Variants in MAP3K5 observed in about 807,000 individuals in gnomAD.
The protein encoded by MAP3K5 is ASK-1.
A neutral mutation model predicts 158.7 loss-of-function variants in MAP3K5; 56 were observed. That is an observed-to-expected ratio of 0.35 (90% CI 0.28 to 0.44). MAP3K5 has a LOEUF of 0.44. Among genes scored for constraint, MAP3K5 ranks in the 20% least tolerant of loss-of-function variants. The pLI is 1.00. For synonymous variants in MAP3K5, 579 were observed against 601.7 expected, an observed-to-expected ratio of 0.96 and a Z score of 0.55; for missense variants, 1,294 against 1,674.8, an observed-to-expected ratio of 0.77 and a Z score of 3.97.
intron 11 of MAP3K5, among the ~76,000 whole-genome samples, chr6:136,649,879 T>C (rs1778441184): frequency 1.3e-5 from 2 of 152,212 alleles, no homozygotes; most frequent in African/African-American, 2.4e-5. Context: ...GAGGACACCA[T>C]AGCTTGGAGA....
At chr6:136,558,765 T>C (rs1830367081) in intron 29 of MAP3K5, 35 bp downstream of exon 29, 1 of 1,335,406 alleles carries the variant, frequency 7.5e-7, no homozygotes, top group Middle Eastern at 1.8e-4. Flanking sequence ...TGCCTGGTGC[T>C]CTTTCCATAG....
At chr6:136,630,544 T>C (rs1438054102) in intron 14 of MAP3K5, among the ~76,000 whole-genome samples, 1 of 152,232 alleles carries the variant, frequency 6.6e-6, no homozygotes, top group Non-Finnish European at 1.5e-5. Flanking sequence ...CTAAATTTCT[T>C]TTGCGGACAT....
Position 136,611,322 on chromosome 6 carries a change from C to T in MAP3K5, c.2481G>A (p.Lys827=), listed in dbSNP as rs1370652163. ...VLKISDFGTS[K]RLAGINPCTE... ...TACAGGGGTTTATGCCAGCAAGCCT[C>T]TTTGATGTTCCGAAGTCAGAGATCT... Residue 827 remains lysine (K), a synonymous_variant, in exon 18 of 30, where the codon AAG becomes AAA. Transcript: ENST00000359015. The T allele has an allele frequency of 1.2e-6, 2 of 1,613,404 alleles. No homozygotes were observed. The highest frequency in any genetic ancestry group is 2.7e-5 in the African/African-American group (2 of 74,860).
intron 2 of MAP3K5, among the ~76,000 whole-genome samples, chr6:136,706,174 G>A (rs1448724161): frequency 6.6e-6 from 1 of 152,076 alleles, no homozygotes; most frequent in Non-Finnish European, 1.5e-5. Flanking sequence ...GCTGAGGCAG[G>A]AGAATCACTT....
intron 12 of MAP3K5, among the ~76,000 whole-genome samples, chr6:136,641,920 G>A (rs56168641): frequency 0.018 from 2,741 of 150,916 alleles, 40 homozygotes; most frequent in Non-Finnish European, 0.027. Context: ...CCTGGGAGGC[G>A]GAGGTTGCAG....
chr6:136,791,058 G>A (rs752234815), intron 1 of MAP3K5, among the ~76,000 whole-genome samples: 3 of 152,116 alleles, frequency 2.0e-5, no homozygotes, highest in Non-Finnish European at 4.4e-5. Context: ...TAAAAAACAG[G>A]CCCTGGTTCT....
chr6:136,622,545 A>G (rs1776852844), intron 15 of MAP3K5, among the ~76,000 whole-genome samples: 1 of 152,166 alleles, frequency 6.6e-6, no homozygotes, highest in Non-Finnish European at 1.5e-5. Flanking sequence ...GTTCCAACCT[A>G]AACGATTTCT....
rs540355576 is a variant in MAP3K5, at chr6:136,617,856, C to G, written c.2151-3570G>C. On this transcript the variant is annotated intron_variant, in intron 15 of 29. Transcript: ENST00000359015. ...GCTGAGGCAGGAGAATCACTTGAAC[C>G]CAGGAGGCGGAGGTTGCAGTGAGCC... is the stretch of plus-strand genomic sequence containing the variant. Among the ~76,000 whole-genome samples the G allele has an allele frequency of 1.3e-4, 20 of 152,148 alleles. 1 individual carries two copies. The South Asian group carries it at 3.7e-3, about 28-fold the overall frequency.
intron 10 of MAP3K5, among the ~76,000 whole-genome samples, chr6:136,655,418 G>C (rs1778699143): frequency 6.6e-6 from 1 of 152,222 alleles, no homozygotes; most frequent in Admixed American, 6.5e-5. Context: ...CTGGAAGCAA[G>C]AGTAAAGCAT....
chr6:136,574,773 C>CACTG (rs1330498218), intron 25 of MAP3K5, among the ~76,000 whole-genome samples: 1 of 146,768 alleles, frequency 6.8e-6, no homozygotes, highest in African/African-American at 2.5e-5. Context: ...ACTGCAGGCT[C>CACTG]CACCCCCTGG....
intron 6 of MAP3K5, among the ~76,000 whole-genome samples, chr6:136,694,601 A>T (rs529436812): frequency 6.6e-6 from 1 of 152,322 alleles, no homozygotes; most frequent in South Asian, 2.1e-4. Context: ...TGCAGCCTAT[A>T]TGCAGGTTCA....
intron 7 of MAP3K5, among the ~76,000 whole-genome samples, chr6:136,688,488 G>C (rs1780250767): frequency 6.6e-6 from 1 of 152,002 alleles, no homozygotes; most frequent in Non-Finnish European, 1.5e-5. Flanking sequence ...AAATAAATAA[G>C]ATAGCTTAAA....
At chr6:136,770,110 G>A (rs1021268954) in intron 1 of MAP3K5, among the ~76,000 whole-genome samples, 1 of 151,970 alleles carries the variant, frequency 6.6e-6, no homozygotes. Context: ...CTTTATAATG[G>A]CCTCCCTTTT....
At chr6:136,676,037 A>G (rs1779689228) in intron 7 of MAP3K5, among the ~76,000 whole-genome samples, 1 of 152,246 alleles carries the variant, frequency 6.6e-6, no homozygotes, top group Non-Finnish European at 1.5e-5. Context: ...ACATGTAAGC[A>G]TGACACAAGG....
chr6:136,585,895 A>G (rs989130204), intron 23 of MAP3K5, among the ~76,000 whole-genome samples: 1 of 152,206 alleles, frequency 6.6e-6, no homozygotes, highest in Admixed American at 6.5e-5. Context: ...TTAAGAAACT[A>G]TTATATCATT....
intron 1 of MAP3K5, among the ~76,000 whole-genome samples, chr6:136,740,612 C>A (rs1326828245): frequency 6.6e-6 from 1 of 151,708 alleles, no homozygotes; most frequent in Non-Finnish European, 1.5e-5. Flanking sequence ...AAGACTGAGA[C>A]AATAAAAAAA....
chr6:136,758,364 T>A (rs1783597339), intron 1 of MAP3K5, among the ~76,000 whole-genome samples: 1 of 152,274 alleles, frequency 6.6e-6, no homozygotes, highest in African/African-American at 2.4e-5. Flanking sequence ...GAATTTTTAG[T>A]CTCATAACTT....
chr6:136,617,618 C>G (rs1776620961), intron 15 of MAP3K5, among the ~76,000 whole-genome samples: 2 of 152,202 alleles, frequency 1.3e-5, no homozygotes, highest in South Asian at 4.2e-4. Flanking sequence ...TCATATACAG[C>G]TGGGTGAAAA....
rs994454972 is a variant in MAP3K5 at position 136,585,194 on chromosome 6, C to T, written c.3226-1454G>A. Among the ~76,000 whole-genome samples the T allele has an allele frequency of 4.0e-5, 6 of 150,466 alleles. No individual in the cohort carries two copies. The East Asian group carries it at 7.8e-4, about 20-fold the overall frequency. On this transcript the variant is annotated intron_variant, in intron 23 of 29. Transcript: ENST00000359015. ...GTGGCACAATCATAGCTCACTGCAGCCCCTAACTCCTGGGTTCTAGCTCTC... is the reference window on the plus strand; with the variant it reads ...GTGGCACAATCATAGCTCACTGCAGTCCCTAACTCCTGGGTTCTAGCTCTC...
Sources: gnomAD v4.1 joint callset for allele counts (sites outside exome capture counted in the v4.1 genomes callset) on GRCh38, gnomAD v4.1.1 for gene constraint, MANE v1.5 for transcripts, NCBI Gene and HGNC (gene_info 2026-07-23, HGNC 2026-07-21) for gene names.